MIGA1: variants seen among roughly 807,000 people sequenced by gnomAD.
MIGA1 encodes mitoguardin 1, also known as family with sequence similarity 73, member A.
MIGA1 carries 58 observed loss-of-function variants against 82.0 expected under a neutral mutation model. That is an observed-to-expected ratio of 0.71 (90% CI 0.57 to 0.88). The LOEUF is 0.88. Ranked by LOEUF, MIGA1 falls within the 40% of genes least tolerant of loss-of-function variation. The probability of loss-of-function intolerance (pLI) is 0.00; values close to 1 mark genes in which losing one functional copy is unlikely to be tolerated. For missense variants in MIGA1, 751 were observed against 749.1 expected (o/e 1.00, Z -0.03); for synonymous variants, 249 against 253.6 (o/e 0.98, Z 0.17).
chr1:77,871,962 T>C (rs1477640912), intron 14 of MIGA1, among the ~76,000 whole-genome samples: 1 of 151,700 alleles, frequency 6.6e-6, no homozygotes, highest in Non-Finnish European at 1.5e-5. Flanking sequence ...GTTGCAAAGC[T>C]AATATGATTG....
chr1:77,877,618 A>G lies in MIGA1; in HGVS notation c.*2554A>G, dbSNP rs1022110754. 4 of 152,642 alleles carry G rather than the reference A, an allele frequency of 2.6e-5. No individual in the cohort carries two copies. The highest frequency in any genetic ancestry group is 1.3e-4 in the Admixed American group (2 of 15,274). The allele number at this position is 152,642 out of a possible 1,614,324, so 9.5% of individuals were successfully genotyped here. On this transcript the variant is annotated 3_prime_UTR_variant, in exon 16 of 16. Transcript: ENST00000370791. ...AGACAGTTATTGCTTATAGTAATTTACCCATTTGAGGGCTAAGTGTTTTAA... is the reference window on the plus strand; with the variant it reads ...AGACAGTTATTGCTTATAGTAATTTGCCCATTTGAGGGCTAAGTGTTTTAA...
chr1:77,795,514 G>T (rs1401017298), intron 2 of MIGA1, among the ~76,000 whole-genome samples: 2 of 151,340 alleles, frequency 1.3e-5, no homozygotes, highest in African/African-American at 4.9e-5. Flanking sequence ...TTGTATTTTT[G>T]TTAGAGATGG....
At chr1:77,782,350 A>C (rs566539831) in intron 1 of MIGA1, among the ~76,000 whole-genome samples, 13 of 152,308 alleles carry the variant, frequency 8.5e-5, no homozygotes, top group African/African-American at 2.9e-4. Context: ...TTTTGCACTC[A>C]TCAGGCAACA....
intron 8 of MIGA1, among the ~76,000 whole-genome samples, chr1:77,845,257 A>T (rs375345921): frequency 6.6e-6 from 1 of 152,178 alleles, no homozygotes; most frequent in Non-Finnish European, 1.5e-5. Flanking sequence ...TTCTTGTTCT[A>T]TGGGAAAGCT....
rs1685244990 is a variant in MIGA1, at chr1:77,856,075, C to T, written c.997-2863C>T. On this transcript the variant is annotated intron_variant, in intron 8 of 15. Transcript: ENST00000370791. The stretch of plus-strand genomic sequence containing the variant: ...ACACTAAGGTATGTCCCTTGTATGC[C>T]GATTTTTCTGAGAGTTCTAATCATA... Among the ~76,000 whole-genome samples the T allele has an allele frequency of 3.9e-5, 6 of 152,070 alleles. No individual in the cohort carries two copies. The South Asian group carries it at 6.3e-4, about 16-fold the overall frequency.
At chr1:77,801,089 C>T (rs1394359288) in intron 2 of MIGA1, among the ~76,000 whole-genome samples, 1 of 151,894 alleles carries the variant, frequency 6.6e-6, no homozygotes, top group Non-Finnish European at 1.5e-5. Context: ...TTTTCTGCTC[C>T]TATTGACTTT....
intron 2 of MIGA1, among the ~76,000 whole-genome samples, chr1:77,797,317 CTA>C (rs1682696891): frequency 6.6e-6 from 1 of 152,104 alleles, no homozygotes; most frequent in Non-Finnish European, 1.5e-5. Context: ...AATAGATTGA[CTA>C]TATGTTTGTG....
chr1:77,822,426 T>C (rs1683852661), intron 7 of MIGA1, among the ~76,000 whole-genome samples: 1 of 152,038 alleles, frequency 6.6e-6, no homozygotes. Context: ...ATCCTGTCTC[T>C]AGAGAAAAAA....
intron 7 of MIGA1, among the ~76,000 whole-genome samples, chr1:77,839,202 C>G (rs1036038713): frequency 1.7e-4 from 26 of 151,862 alleles, no homozygotes; most frequent in African/African-American, 6.3e-4. Context: ...TTCCACTGAC[C>G]GTACATCCTC....
intron 14 of MIGA1, among the ~76,000 whole-genome samples, 179 bp from the exon 15 acceptor site, chr1:77,872,825 T>G (rs1255109203): frequency 6.6e-6 from 1 of 152,140 alleles, no homozygotes; most frequent in African/African-American, 2.4e-5. Context: ...CTTAGGATGC[T>G]AAAGCCGGGG....
At chr1:77,859,159 C>T in intron 9 of MIGA1, 103 bp downstream of exon 9, 1 of 988,190 alleles carries the variant, frequency 1.0e-6, no homozygotes, top group Admixed American at 2.0e-5. Context: ...TTTTTAGGTC[C>T]AAGTAAAGAA....
intron 14 of MIGA1, among the ~76,000 whole-genome samples, chr1:77,869,869 TC>T (rs1219696741): frequency 1.8e-5 from 1 of 54,096 alleles, no homozygotes; most frequent in Non-Finnish European, 3.5e-5. Context: ...GGGGGGCTGA[TC>T]CCCCCACCTC....
intron 5 of MIGA1, among the ~76,000 whole-genome samples, chr1:77,813,416 AAAT>A (rs1188651923): frequency 6.6e-6 from 1 of 152,222 alleles, no homozygotes; most frequent in Non-Finnish European, 1.5e-5. Context: ...TGGCTATAAA[AAAT>A]AGCTATTACT....
intron 2 of MIGA1, among the ~76,000 whole-genome samples, chr1:77,787,253 C>G (rs976284107): frequency 6.6e-6 from 1 of 152,178 alleles, no homozygotes. Flanking sequence ...GGGGACACAG[C>G]CAAACCATAT....
chr1:77,866,485 C>G (rs879925886), intron 14 of MIGA1, 94 bp downstream of exon 14: 662 of 1,168,180 alleles, frequency 5.7e-4, no homozygotes, highest in Non-Finnish European at 7.6e-4. Flanking sequence ...GAATTGGCAG[C>G]TGTAGGAGGG....
chr1:77,829,038 T>C (rs1477518714), intron 7 of MIGA1, among the ~76,000 whole-genome samples: 1 of 152,230 alleles, frequency 6.6e-6, no homozygotes, highest in Non-Finnish European at 1.5e-5. Flanking sequence ...TTGTGCTTTC[T>C]ATGTATTGTT....
Position 77,797,889 on chromosome 1 carries a change from T to A in MIGA1, c.196-3442T>A, listed in dbSNP as rs143639412. Among the ~76,000 whole-genome samples, 220 of 152,330 alleles carry A rather than the reference T, an allele frequency of 1.4e-3. 1 individual carries two copies. Among genetic ancestry groups the A allele is most frequent in the African/African-American group, 5.0e-3 (206 of 41,584 alleles). On this transcript the variant is annotated intron_variant, in intron 2 of 15. Transcript: ENST00000370791. ...TAACTTTATAGACAGCTGTATCATA[T>A]GTGAATAGTTTTACTTCTTCCTTTC...
At chr1:77,870,226 C>G (rs1460466862) in intron 14 of MIGA1, among the ~76,000 whole-genome samples, 1 of 128,962 alleles carries the variant, frequency 7.8e-6, no homozygotes, top group African/African-American at 2.8e-5. Context: ...GGCTGACCCC[C>G]CCCCCCACCT....
At chr1:77,829,038 T>A (rs1477518714) in intron 7 of MIGA1, among the ~76,000 whole-genome samples, 1 of 152,348 alleles carries the variant, frequency 6.6e-6, no homozygotes, top group Non-Finnish European at 1.5e-5. Context: ...TTGTGCTTTC[T>A]ATGTATTGTT....
Sources: allele counts gnomAD v4.1 joint callset (sites outside exome capture counted in the v4.1 genomes callset), GRCh38; gene constraint gnomAD v4.1.1; transcripts MANE v1.5; gene names NCBI Gene and HGNC (gene_info 2026-07-23, HGNC 2026-07-21).